The following FRYL variants were observed in gnomAD, a reference collection of about 807,000 sequenced individuals.
The protein encoded by FRYL is FRY like transcription coactivator.
FRYL carries 150 observed loss-of-function variants against 351.2 expected under a neutral mutation model. That is an observed-to-expected ratio of 0.43 (90% CI 0.37 to 0.49). The LOEUF (loss-of-function observed/expected upper bound fraction) is 0.49. FRYL is among the 20% of genes least tolerant of loss of function. The probability of loss-of-function intolerance (pLI) is 0.00; values close to 1 mark genes in which losing one functional copy is unlikely to be tolerated. For missense variants in FRYL, 3,036 were observed against 3,619.3 expected (o/e 0.84, Z 4.13); for synonymous variants, 1,153 against 1,257.1 (o/e 0.92, Z 1.75).
chr4:48,547,911 A>T (rs1425259995), intron 40 of FRYL, 142 bp from the exon 41 acceptor site: 1 of 519,360 alleles, frequency 1.9e-6, no homozygotes. Context: ...TTATTGCCCT[A>T]GAGTTCTTAT....
intron 47 of FRYL, among the ~76,000 whole-genome samples, chr4:48,538,537 T>C (rs967321999): frequency 3.3e-5 from 5 of 152,326 alleles, no homozygotes; most frequent in Middle Eastern, 3.4e-3. Context: ...AATGTGTACT[T>C]AGCAGTGCTG....
At chr4:48,775,621 TCCA>T (rs1263327811) in intron 1 of FRYL, among the ~76,000 whole-genome samples, 1 of 152,186 alleles carries the variant, frequency 6.6e-6, no homozygotes, top group Non-Finnish European at 1.5e-5. Flanking sequence ...TTTGAGTGAT[TCCA>T]CCATGAACAA....
intron 1 of FRYL, among the ~76,000 whole-genome samples, chr4:48,720,369 C>T (rs1434105177): frequency 3.3e-5 from 5 of 151,834 alleles, no homozygotes; most frequent in Non-Finnish European, 7.4e-5. Context: ...TGGTGGCATG[C>T]ACCTGTAATC....
chr4:48,705,741 G>A (rs1471352659), intron 2 of FRYL, among the ~76,000 whole-genome samples: 1 of 152,062 alleles, frequency 6.6e-6, no homozygotes, highest in Admixed American at 6.5e-5. Context: ...ACTATACAGA[G>A]AACAATTATT....
intron 1 of FRYL, among the ~76,000 whole-genome samples, chr4:48,732,053 T>C (rs1474317466): frequency 1.3e-5 from 2 of 152,142 alleles, no homozygotes; most frequent in Non-Finnish European, 2.9e-5. Context: ...ATCCAGAATC[T>C]ACAAAGAACT....
At chr4:48,711,381 G>A (rs1276404530) in intron 1 of FRYL, among the ~76,000 whole-genome samples, 3 of 152,274 alleles carry the variant, frequency 2.0e-5, no homozygotes, top group East Asian at 1.9e-4. Context: ...CTTTTCCAAC[G>A]GGCTTAAAAA....
intron 7 of FRYL, among the ~76,000 whole-genome samples, chr4:48,611,553 T>G (rs1748208612): frequency 6.6e-6 from 1 of 152,142 alleles, no homozygotes; most frequent in Middle Eastern, 3.4e-3. Flanking sequence ...AGCTTAATAA[T>G]AAGTTCTCAT....
chr4:48,641,545 G>A (rs1755321735), intron 3 of FRYL, among the ~76,000 whole-genome samples: 1 of 152,042 alleles, frequency 6.6e-6, no homozygotes. Context: ...AGGCTCTTAA[G>A]CCACTAATGG....
At chr4:48,754,672 T>G (rs948555909) in intron 1 of FRYL, among the ~76,000 whole-genome samples, 3 of 150,692 alleles carry the variant, frequency 2.0e-5, no homozygotes, top group African/African-American at 7.3e-5. Flanking sequence ...TTTGGGGTTT[T>G]TTTTTTTTTT....
Position 48,500,168 on chromosome 4 carries a change from GCTT to G in FRYL, c.8642_8644del (p.Glu2881del). On this transcript the variant is annotated inframe_deletion, in exon 63 of 64. Transcript: ENST00000358350. Reference sequence around the variant, plus strand: ...TTCTTCGTTTTCGGAAGCGGACTCAGCTTCTTTGAGGATACTTTCCAGTTGGGC... The same window carrying G: ...TTCTTCGTTTTCGGAAGCGGACTCAGCTTTGAGGATACTTTCCAGTTGGGC... 6.2e-7 allele frequency: 1 copy of G among 1,604,944 alleles called. No individual in the cohort carries two copies. Among genetic ancestry groups the G allele is most frequent in the South Asian group, 1.1e-5 (1 of 88,326 alleles).
chr4:48,732,225 G>C (rs1173326043), intron 1 of FRYL, among the ~76,000 whole-genome samples: 1 of 152,176 alleles, frequency 6.6e-6, no homozygotes, highest in Non-Finnish European at 1.5e-5. Flanking sequence ...ACCACAATGA[G>C]ATACTATCTC....
At chr4:48,761,007 CTGTGTGTGTGTGTGTGTGTGTGTG>C (rs57872533) in intron 1 of FRYL, among the ~76,000 whole-genome samples, 1 of 134,434 alleles carries the variant, frequency 7.4e-6, no homozygotes, top group African/African-American at 3.0e-5. Flanking sequence ...ATTACTCTGT[CTGTGTGTGTGTGTGTGTGTGTGTG>C]TGTGTGTGTG....
At chr4:48,566,503 C>A (rs1342227427) in intron 28 of FRYL, among the ~76,000 whole-genome samples, 1 of 152,106 alleles carries the variant, frequency 6.6e-6, no homozygotes, top group African/African-American at 2.4e-5. Context: ...TGCTCTTTTC[C>A]TTTGACAGTG....
At chr4:48,645,124 TTATATATA>T (rs36223183) in intron 3 of FRYL, among the ~76,000 whole-genome samples, 2,408 of 105,276 alleles carry the variant, frequency 0.023, 307 homozygotes, top group Admixed American at 0.066. Flanking sequence ...AGCTTTCATT[TTATATATA>T]TATATATATA....
intron 3 of FRYL, among the ~76,000 whole-genome samples, chr4:48,664,310 G>C (rs931622304): frequency 1.3e-5 from 2 of 152,192 alleles, no homozygotes; most frequent in African/African-American, 4.8e-5. Context: ...AGAGGACACA[G>C]TGGAAGTCAA....
intron 3 of FRYL, among the ~76,000 whole-genome samples, chr4:48,655,885 AT>A (rs1758791046): frequency 7.2e-6 from 1 of 139,528 alleles, no homozygotes; most frequent in Non-Finnish European, 1.5e-5. Context: ...ATACATGTAT[AT>A]AATGTATAAT....
Position 48,716,501 on chromosome 4 carries a change from T to C in FRYL, c.-383-5803A>G, listed in dbSNP as rs1768846924. 1.3e-5 allele frequency among the ~76,000 whole-genome samples: 2 copies of C among 151,688 alleles called. 1 individual carries two copies. The highest frequency in any genetic ancestry group is 2.9e-5 in the Non-Finnish European group (2 of 67,886). ...GACACTTCTCAAAAGAGGACATTTA[T>C]GCAGCCAAAAAACACACGAAAAAAT... On this transcript the variant is annotated intron_variant, in intron 1 of 63. Coordinates refer to ENST00000358350, the MANE Select transcript of FRYL (RefSeq NM_015030.2).
At chr4:48,686,556 C>T (rs943212651) in intron 2 of FRYL, among the ~76,000 whole-genome samples, 2 of 152,082 alleles carry the variant, frequency 1.3e-5, no homozygotes, top group Admixed American at 6.5e-5. Flanking sequence ...CTTGTGGGCA[C>T]GGTCCTGCAC....
intron 2 of FRYL, among the ~76,000 whole-genome samples, chr4:48,687,847 T>C (rs1487314687): frequency 6.6e-6 from 1 of 152,104 alleles, no homozygotes; most frequent in Non-Finnish European, 1.5e-5. Flanking sequence ...GCCTGGCATA[T>C]GGTAAATTTG....
Sources: gnomAD v4.1 joint callset for allele counts (sites outside exome capture counted in the v4.1 genomes callset) on GRCh38, gnomAD v4.1.1 for gene constraint, MANE v1.5 for transcripts, NCBI Gene and HGNC (gene_info 2026-07-23, HGNC 2026-07-21) for gene names.